RBFOX1: variants seen among roughly 807,000 people sequenced by gnomAD.
The protein encoded by RBFOX1 is RNA binding protein fox-1 homolog 1.
RBFOX1 carries 8 observed loss-of-function variants against 57.7 expected under a neutral mutation model. That is an observed-to-expected ratio of 0.14 (90% CI 0.08 to 0.25). The LOEUF is 0.25. Ranked by LOEUF, RBFOX1 falls within the 10% of genes least tolerant of loss-of-function variation. The pLI is 1.00. For synonymous variants in RBFOX1, 326 were observed against 222.4 expected (o/e 1.47, Z -4.15); for missense variants, 611 against 548.5 (o/e 1.11, Z -1.14).
Position 7,052,038 on chromosome 16 carries a change from C to T in RBFOX1, c.-15-19C>T. 1 of 1,604,252 alleles carries T rather than the reference C, an allele frequency of 6.2e-7. No homozygotes were observed. The highest frequency in any genetic ancestry group is 1.7e-5 in the Admixed American group (1 of 57,670). On this transcript the variant is annotated intron_variant, in intron 3 of 15. Transcript: ENST00000550418. ...CCGGAGCCTTCTGACTTTTCCCCTT[C>T]ATTTTCTTTTCTTTCTAGGTTTCAA...
chr16:5,928,136 C>T (rs62013902), intron 4 of RBFOX1, among the ~76,000 whole-genome samples: 1 of 151,904 alleles, frequency 6.6e-6, no homozygotes, highest in Non-Finnish European at 1.5e-5. Flanking sequence ...CTCTGTCACC[C>T]AGGCTGGAGA....
intron 1 of RBFOX1, among the ~76,000 whole-genome samples, chr16:6,263,259 A>C (rs1417216590): frequency 6.6e-6 from 1 of 152,144 alleles, no homozygotes; most frequent in African/African-American, 2.4e-5. Flanking sequence ...AGAAGTTCTT[A>C]GTCACCCCAG....
At chr16:6,349,538 C>T (rs1034166800) in intron 2 of RBFOX1, among the ~76,000 whole-genome samples, 1 of 152,196 alleles carries the variant, frequency 6.6e-6, no homozygotes. Context: ...GACTTCTTGA[C>T]CTATGTCATT....
At chr16:7,412,763 C>A (rs373127989) in intron 4 of RBFOX1, among the ~76,000 whole-genome samples, 1 of 152,192 alleles carries the variant, frequency 6.6e-6, no homozygotes, top group Admixed American at 6.5e-5. Context: ...GGAATTACGA[C>A]TGGGCATGGT....
At chr16:6,005,794 G>A (rs973968812) in intron 4 of RBFOX1, among the ~76,000 whole-genome samples, 1 of 152,126 alleles carries the variant, frequency 6.6e-6, no homozygotes, top group Non-Finnish European at 1.5e-5. Context: ...GGAGTTGGGT[G>A]GATTTTAAAA....
chr16:7,487,400 G>C (rs142657369), intron 4 of RBFOX1, among the ~76,000 whole-genome samples: 3 of 152,246 alleles, frequency 2.0e-5, no homozygotes, highest in African/African-American at 4.8e-5. Context: ...CCTGTCTCCT[G>C]TACTGAAAGG....
intron 4 of RBFOX1, among the ~76,000 whole-genome samples, chr16:7,354,359 C>A (rs956749958): frequency 1.3e-5 from 2 of 152,178 alleles, no homozygotes; most frequent in Non-Finnish European, 2.9e-5. Context: ...TCATCAAATT[C>A]TTTCTATTAC....
At chr16:5,700,476 G>A (rs561320293) in intron 3 of RBFOX1, among the ~76,000 whole-genome samples, 24 of 152,232 alleles carry the variant, frequency 1.6e-4, no homozygotes, top group Admixed American at 8.5e-4. Flanking sequence ...TGAAGTCTAC[G>A]TGTCTTTCTT....
At chr16:5,439,551 G>C (rs1470745295) in intron 1 of RBFOX1, among the ~76,000 whole-genome samples, 2 of 152,046 alleles carry the variant, frequency 1.3e-5, no homozygotes, top group Non-Finnish European at 2.9e-5. Flanking sequence ...GGGGAGACTT[G>C]TTTGTGAACT....
intron 4 of RBFOX1, among the ~76,000 whole-genome samples, chr16:5,893,243 T>C (rs186051554): frequency 6.6e-5 from 10 of 152,316 alleles, no homozygotes; most frequent in Middle Eastern, 3.4e-3. Flanking sequence ...TGCACTCTGG[T>C]TTTAGCATAG....
At chr16:6,914,045 G>A (rs1038607556) in intron 3 of RBFOX1, among the ~76,000 whole-genome samples, 2 of 152,170 alleles carry the variant, frequency 1.3e-5, no homozygotes, top group African/African-American at 4.8e-5. Flanking sequence ...AAATAGTGTT[G>A]CATTCTGGGT....
At chr16:6,806,981 G>T (rs368874699) in intron 3 of RBFOX1, among the ~76,000 whole-genome samples, 2 of 151,034 alleles carry the variant, frequency 1.3e-5, no homozygotes, top group Non-Finnish European at 3.0e-5. Flanking sequence ...TTGCAGGCAC[G>T]TCTCACCACG....
chr16:5,534,095 C>CT (rs979319881), intron 2 of RBFOX1, among the ~76,000 whole-genome samples: 60 of 152,246 alleles, frequency 3.9e-4, no homozygotes, highest in African/African-American at 1.4e-3. Flanking sequence ...GTTGCTGCCG[C>CT]TTTGTGCACT....
intron 4 of RBFOX1, among the ~76,000 whole-genome samples, chr16:7,132,620 A>G (rs1166360133): frequency 6.6e-6 from 1 of 151,734 alleles, no homozygotes; most frequent in Non-Finnish European, 1.5e-5. Flanking sequence ...AAAAAAAACC[A>G]CACACACACA....
chr16:7,411,229 A>G (rs1370943907), intron 4 of RBFOX1, among the ~76,000 whole-genome samples: 1 of 80,426 alleles, frequency 1.2e-5, no homozygotes, highest in Non-Finnish European at 2.4e-5. Context: ...TACAGCCACC[A>G]CACCTGGCCA....
chr16:6,357,636 C>T (rs1484882607), intron 2 of RBFOX1, among the ~76,000 whole-genome samples: 2 of 151,908 alleles, frequency 1.3e-5, no homozygotes, highest in African/African-American at 4.8e-5. Context: ...TGTCTTGCTT[C>T]CTGCTTTCTG....
chr16:6,236,432 G>A (rs1293114063), intron 1 of RBFOX1, among the ~76,000 whole-genome samples: 1 of 146,240 alleles, frequency 6.8e-6, no homozygotes, highest in Non-Finnish European at 1.5e-5. Flanking sequence ...CCTTTATTAT[G>A]ATGTTTATTT....
intron 1 of RBFOX1, among the ~76,000 whole-genome samples, chr16:5,315,335 C>T (rs2064207114): frequency 6.6e-6 from 1 of 152,176 alleles, no homozygotes. Context: ...TATTGCCCCA[C>T]AGGCCACGTA....
intron 3 of RBFOX1, among the ~76,000 whole-genome samples, chr16:6,974,345 T>C (rs1192343735): frequency 4.2e-5 from 5 of 118,380 alleles, no homozygotes; most frequent in East Asian, 2.3e-4. Context: ...TCTTTTTTTT[T>C]TTTTTTTTTT....
Sources: allele counts gnomAD v4.1 joint callset (sites outside exome capture counted in the v4.1 genomes callset), GRCh38; gene constraint gnomAD v4.1.1; transcripts MANE v1.5; gene names NCBI Gene and HGNC (gene_info 2026-07-23, HGNC 2026-07-21).